Variants in LRIG1 observed in about 807,000 individuals in gnomAD.
The protein encoded by LRIG1 is leucine rich repeats and immunoglobulin like domains 1, also known as leucine-rich repeats and immunoglobulin-like domains protein 1.
LRIG1 carries 48 observed loss-of-function variants against 99.2 expected under a neutral mutation model. The ratio of observed to expected loss-of-function variants is 0.48; its 90% CI spans 0.38 to 0.62. The LOEUF (loss-of-function observed/expected upper bound fraction) is 0.62. LRIG1 is among the 20% of genes least tolerant of loss of function. The probability of loss-of-function intolerance (pLI) is 0.00; values close to 1 mark genes in which losing one functional copy is unlikely to be tolerated. For synonymous variants in LRIG1, 772 were observed against 596.1 expected (o/e 1.29, Z -4.30); for missense variants, 1,646 against 1,434.4 (o/e 1.15, Z -2.38).
At chr3:66,444,942 T>C (rs62245375) in intron 3 of LRIG1, among the ~76,000 whole-genome samples, 56,790 of 151,144 alleles carry the variant, frequency 0.38, 12,599 homozygotes, top group Non-Finnish European at 0.51. Flanking sequence ...TATACACATA[T>C]ATATACGTGT....
At chr3:66,410,007 C>T in intron 7 of LRIG1, 122 bp downstream of exon 7, 5 of 1,036,146 alleles carry the variant, frequency 4.8e-6, no homozygotes, top group Non-Finnish European at 7.0e-6. Context: ...GGGAACAGGG[C>T]TACTGGCCTG....
At chr3:66,493,158 ACC>A (rs1402655191) in intron 1 of LRIG1, among the ~76,000 whole-genome samples, 1 of 152,174 alleles carries the variant, frequency 6.6e-6, no homozygotes, top group East Asian at 1.9e-4. Flanking sequence ...CTGTAACTTA[ACC>A]CTGTTTGGAA....
At chr3:66,394,733 C>T (rs1437085012) in intron 11 of LRIG1, among the ~76,000 whole-genome samples, 1 of 152,088 alleles carries the variant, frequency 6.6e-6, no homozygotes, top group Non-Finnish European at 1.5e-5. Context: ...GCTCTTTTGC[C>T]TCATGGCTGT....
intron 11 of LRIG1, 138 bp downstream of exon 11, chr3:66,397,974 C>CA: frequency 1.5e-6 from 1 of 672,652 alleles, no homozygotes; most frequent in Non-Finnish European, 2.6e-6. Context: ...GTAGTCATGA[C>CA]AGAGACTCTG....
At chr3:66,404,073 A>G (rs1702170477) in intron 9 of LRIG1, among the ~76,000 whole-genome samples, 1 of 152,222 alleles carries the variant, frequency 6.6e-6, no homozygotes, top group East Asian at 1.9e-4. Flanking sequence ...ACTGATAAGC[A>G]TCTCCGACAT....
At chr3:66,433,083 G>A (rs900500271) in intron 3 of LRIG1, among the ~76,000 whole-genome samples, 1 of 152,190 alleles carries the variant, frequency 6.6e-6, no homozygotes, top group East Asian at 1.9e-4. Context: ...ACAGGTGGGT[G>A]AGAGTGGCTC....
intron 1 of LRIG1, among the ~76,000 whole-genome samples, chr3:66,496,381 A>T (rs1701228493): frequency 6.6e-6 from 1 of 152,224 alleles, no homozygotes; most frequent in South Asian, 2.1e-4. Context: ...AGCAAGACTT[A>T]AACAGTGTGC....
At position 66,465,605 on chromosome 3, in the gene LRIG1, A is replaced by T. The variant is rs186270390; in HGVS notation, c.219-3096T>A. Among the ~76,000 whole-genome samples the T allele has an allele frequency of 7.5e-3, 1,144 of 152,080 alleles. 15 individuals are homozygous for T. The highest frequency in any genetic ancestry group is 0.022 in the East Asian group (114 of 5,170). On this transcript the variant is annotated intron_variant, in intron 1 of 18. Coordinates refer to ENST00000273261, the MANE Select transcript of LRIG1 (RefSeq NM_015541.3). ...GGTTTCAAACTCCTGACCTCAGGTG[A>T]TCCACCTGCCTCAGCCTCCCAAAGT... is the stretch of plus-strand genomic sequence containing the variant.
At chr3:66,474,038 T>C (rs1035072743) in intron 1 of LRIG1, among the ~76,000 whole-genome samples, 6 of 152,200 alleles carry the variant, frequency 3.9e-5, no homozygotes, top group African/African-American at 1.4e-4. Flanking sequence ...CTGGTTCTGG[T>C]TGTTGAAATG....
At chr3:66,480,741 A>G (rs367604814) in intron 1 of LRIG1, among the ~76,000 whole-genome samples, 30 of 152,338 alleles carry the variant, frequency 2.0e-4, no homozygotes, top group East Asian at 9.6e-4. Context: ...CAGAAAACAC[A>G]TTCTTGGCAT....
intron 1 of LRIG1, among the ~76,000 whole-genome samples, chr3:66,481,886 T>TA (rs1329763902): frequency 3.3e-5 from 5 of 152,258 alleles, no homozygotes; most frequent in Non-Finnish European, 7.3e-5. Context: ...AGCCACATTC[T>TA]AAACATGGGC....
intron 9 of LRIG1, among the ~76,000 whole-genome samples, chr3:66,399,609 A>C (rs1007215197): frequency 1.3e-5 from 2 of 152,138 alleles, no homozygotes; most frequent in Non-Finnish European, 2.9e-5. Context: ...TCTCTACAAA[A>C]ACTAAAAAAT....
At chr3:66,470,754 C>T (rs1413777370) in intron 1 of LRIG1, among the ~76,000 whole-genome samples, 2 of 152,142 alleles carry the variant, frequency 1.3e-5, no homozygotes, top group Non-Finnish European at 2.9e-5. Flanking sequence ...GTTTTCTCAC[C>T]ATCACTGAAG....
intron 2 of LRIG1, among the ~76,000 whole-genome samples, chr3:66,456,843 C>T (rs1036409324): frequency 1.3e-5 from 2 of 152,140 alleles, no homozygotes; most frequent in African/African-American, 2.4e-5. Context: ...GCGGGCCAGG[C>T]GGCAGTACTG....
At chr3:66,498,733 A>T (rs954908528) in intron 1 of LRIG1, among the ~76,000 whole-genome samples, 5 of 152,194 alleles carry the variant, frequency 3.3e-5, no homozygotes, top group South Asian at 4.1e-4. Flanking sequence ...TCCACAGAAG[A>T]AGTAGATATT....
intron 3 of LRIG1, among the ~76,000 whole-genome samples, chr3:66,417,889 C>A (rs956318980): frequency 1.3e-5 from 2 of 151,880 alleles, no homozygotes; most frequent in African/African-American, 4.8e-5. Context: ...GTTCCCTGAA[C>A]CTCCCGACTC....
At chr3:66,481,344 G>C (rs1368947294) in intron 1 of LRIG1, among the ~76,000 whole-genome samples, 1 of 152,124 alleles carries the variant, frequency 6.6e-6, no homozygotes, top group African/African-American at 2.4e-5. Flanking sequence ...TAGCTTTTTT[G>C]GCAAGTGCCC....
chr3:66,381,561 C>T lies in LRIG1; in HGVS notation c.2688G>A (p.Lys896=). The part of the protein sequence containing the change: ...DTHSVACRQP[K]LCAGSAYHKE... ...TGTGATACGCAGACCCAGCACAGAG[C>T]TTTGGCTGCCTGCAGGCAACGCTGT... Residue 896 remains lysine, a synonymous_variant, in exon 17 of 19, where the codon AAG becomes AAA. Transcript: ENST00000273261. 6.2e-7 allele frequency: 1 copy of T among 1,614,118 alleles called. No individual in the cohort carries two copies. The highest frequency in any genetic ancestry group is 8.5e-7 in the Non-Finnish European group (1 of 1,179,996).
intron 1 of LRIG1, among the ~76,000 whole-genome samples, chr3:66,498,808 A>T (rs1210641101): frequency 6.6e-6 from 1 of 152,176 alleles, no homozygotes; most frequent in African/African-American, 2.4e-5. Context: ...TTGTTCATGG[A>T]GCAGTGTCTC....
Sources: gnomAD v4.1 joint callset for allele counts (sites outside exome capture counted in the v4.1 genomes callset) on GRCh38, gnomAD v4.1.1 for gene constraint, MANE v1.5 for transcripts, NCBI Gene and HGNC (gene_info 2026-07-23, HGNC 2026-07-21) for gene names.